Variants in PAPPA2 observed in about 807,000 individuals in gnomAD.
PAPPA2 encodes pappalysin-2.
In PAPPA2, 86 loss-of-function variants were observed where a neutral mutation model predicts 176.4. That is an observed-to-expected ratio of 0.49 (90% CI 0.41 to 0.58). The LOEUF (loss-of-function observed/expected upper bound fraction) is 0.58, where lower values mean the gene tolerates loss of function less well. Ranked by LOEUF, PAPPA2 falls within the 20% of genes least tolerant of loss-of-function variation. The probability of loss-of-function intolerance (pLI) is 0.00; values close to 1 mark genes in which losing one functional copy is unlikely to be tolerated. For synonymous variants in PAPPA2, 809 were observed against 852.2 expected (o/e 0.95, Z 0.88); for missense variants, 2,073 against 2,256.9 (o/e 0.92, Z 1.65).
At chr1:176,715,288 T>C (rs1661318331) in intron 12 of PAPPA2, among the ~76,000 whole-genome samples, 1 of 152,184 alleles carries the variant, frequency 6.6e-6, no homozygotes, top group Non-Finnish European at 1.5e-5. Flanking sequence ...GGATTCCACT[T>C]GTGTTCGAAA....
chr1:176,600,484 G>A (rs1368825410), intron 3 of PAPPA2, among the ~76,000 whole-genome samples: 3 of 151,602 alleles, frequency 2.0e-5, no homozygotes, highest in Non-Finnish European at 4.4e-5. Flanking sequence ...AGACCATCCT[G>A]GCTAACACGG....
At chr1:176,675,145 C>T (rs1359721338) in intron 4 of PAPPA2, among the ~76,000 whole-genome samples, 1 of 151,998 alleles carries the variant, frequency 6.6e-6, no homozygotes, top group Non-Finnish European at 1.5e-5. Context: ...CCTCCTGAAA[C>T]ACTCTTAATC....
rs1053735488 is a variant in PAPPA2 at position 176,845,043 on chromosome 1, G to A, written c.*2589G>A. The A allele has an allele frequency of 1.3e-5, 2 of 152,196 alleles. No individual in the cohort carries two copies. Among genetic ancestry groups the A allele is most frequent in the African/African-American group, 4.8e-5 (2 of 41,452 alleles). The allele number at this position is 152,196 out of a possible 1,614,324, so 9.4% of individuals were successfully genotyped here. ...TATTCAGAGACAGCAGGTTCTTCCAGTCTTTGTTCCTGGGACCTGATGTTT... is the reference window on the plus strand; with the variant it reads ...TATTCAGAGACAGCAGGTTCTTCCAATCTTTGTTCCTGGGACCTGATGTTT... On this transcript the variant is annotated 3_prime_UTR_variant, in exon 23 of 23. Coordinates refer to ENST00000367662, the MANE Select transcript of PAPPA2 (RefSeq NM_020318.3).
rs554356678 is a variant in PAPPA2 at position 176,650,349 on chromosome 1, G to A, written c.1992-20621G>A. ...TTGTTTCTTTGTTCAGCCACTGTATGTCTTTTTTTTTTCCATTTTCAGTCA... is the reference window on the plus strand; with the variant it reads ...TTGTTTCTTTGTTCAGCCACTGTATATCTTTTTTTTTTCCATTTTCAGTCA... On this transcript the variant is annotated intron_variant, in intron 3 of 22. Transcript: ENST00000367662. Among the ~76,000 whole-genome samples the A allele has an allele frequency of 2.0e-3, 294 of 149,256 alleles. 1 individual carries two copies. The highest frequency in any genetic ancestry group is 0.014 in the Middle Eastern group (4 of 288).
At chr1:176,602,648 TA>T (rs1428147525) in intron 3 of PAPPA2, among the ~76,000 whole-genome samples, 1 of 151,466 alleles carries the variant, frequency 6.6e-6, no homozygotes, top group Non-Finnish European at 1.5e-5. Context: ...GCAGGGAAAA[TA>T]AGCGTAAGGG....
At chr1:176,597,881 G>A (rs1437711198) in intron 3 of PAPPA2, among the ~76,000 whole-genome samples, 1 of 152,114 alleles carries the variant, frequency 6.6e-6, no homozygotes, top group Admixed American at 6.5e-5. Flanking sequence ...AAGGTATCCA[G>A]GTATTATTCT....
chr1:176,720,258 A>G (rs1044057344), intron 12 of PAPPA2, among the ~76,000 whole-genome samples: 2 of 152,184 alleles, frequency 1.3e-5, no homozygotes, highest in African/African-American at 4.8e-5. Flanking sequence ...TTGCTTTACC[A>G]TAACCTTATT....
At chr1:176,618,727 G>A (rs1015486573) in intron 3 of PAPPA2, among the ~76,000 whole-genome samples, 9 of 152,142 alleles carry the variant, frequency 5.9e-5, no homozygotes, top group African/African-American at 2.2e-4. Context: ...TTCTCTCTTC[G>A]AGTTTAGTAT....
At chr1:176,638,868 C>T (rs1260215762) in intron 3 of PAPPA2, among the ~76,000 whole-genome samples, 1 of 151,412 alleles carries the variant, frequency 6.6e-6, no homozygotes, top group African/African-American at 2.4e-5. Context: ...TCTGGAACAT[C>T]CAATCTCTCT....
chr1:176,807,522 G>T (rs545810734), intron 21 of PAPPA2, among the ~76,000 whole-genome samples: 1 of 146,710 alleles, frequency 6.8e-6, no homozygotes, highest in African/African-American at 2.5e-5. Context: ...TTGAGAAAGA[G>T]CCTCACTCTG....
At position 176,791,683 on chromosome 1, in the gene PAPPA2, A is replaced by G. The variant is rs540639355; in HGVS notation, c.5020+201A>G. On this transcript the variant is annotated intron_variant, in intron 19 of 22. Coordinates refer to ENST00000367662, the MANE Select transcript of PAPPA2 (RefSeq NM_020318.3). ...ATTCTCCTGCCTCAGCCTCCCAAGTAGCTGGGACTACATATGCCTGCCACC... is the reference window on the plus strand; with the variant it reads ...ATTCTCCTGCCTCAGCCTCCCAAGTGGCTGGGACTACATATGCCTGCCACC... 5.9e-5 allele frequency among the ~76,000 whole-genome samples: 9 copies of G among 152,214 alleles called. No individual in the cohort carries two copies. The South Asian group carries it at 8.3e-4, about 14-fold the overall frequency.
At chr1:176,721,022 A>G (rs953052816) in intron 12 of PAPPA2, among the ~76,000 whole-genome samples, 2 of 152,334 alleles carry the variant, frequency 1.3e-5, no homozygotes, top group African/African-American at 4.8e-5. Flanking sequence ...GCACTCATCC[A>G]CACTGAGGGT....
chr1:176,473,048 A>T (rs946231757), intron 1 of PAPPA2, among the ~76,000 whole-genome samples: 11 of 152,198 alleles, frequency 7.2e-5, no homozygotes, highest in African/African-American at 2.4e-4. Flanking sequence ...CCCAAAGTCC[A>T]TAGTTTATAT....
At chr1:176,768,770 A>G (rs1359353863) in intron 15 of PAPPA2, among the ~76,000 whole-genome samples, 11 of 152,260 alleles carry the variant, frequency 7.2e-5, no homozygotes. Context: ...GCCCTACTGA[A>G]ATGACAGGCA....
At chr1:176,702,866 G>A in intron 9 of PAPPA2, 131 bp downstream of exon 9, 2 of 1,220,048 alleles carry the variant, frequency 1.6e-6, no homozygotes, top group Non-Finnish European at 2.2e-6. Context: ...GACTTGTTTT[G>A]GAAATGTAGG....
intron 3 of PAPPA2, among the ~76,000 whole-genome samples, chr1:176,637,391 A>C (rs965583785): frequency 3.3e-5 from 5 of 152,170 alleles, no homozygotes; most frequent in Admixed American, 3.3e-4. Flanking sequence ...TAACCTGGAT[A>C]TAAACAGATG....
chr1:176,478,434 TG>T (rs891804773), intron 1 of PAPPA2, among the ~76,000 whole-genome samples: 20 of 152,380 alleles, frequency 1.3e-4, no homozygotes, highest in African/African-American at 4.6e-4. Flanking sequence ...TTGTTTCAGT[TG>T]CCTCATCAGT....
At chr1:176,758,086 T>C (rs1249000754) in intron 14 of PAPPA2, among the ~76,000 whole-genome samples, 1 of 152,224 alleles carries the variant, frequency 6.6e-6, no homozygotes, top group Non-Finnish European at 1.5e-5. Context: ...AATGGAAGGA[T>C]AAGTCAGTTT....
At chr1:176,634,689 A>T (rs1656559318) in intron 3 of PAPPA2, among the ~76,000 whole-genome samples, 1 of 151,862 alleles carries the variant, frequency 6.6e-6, no homozygotes, top group South Asian at 2.1e-4. Flanking sequence ...GCTATTGAGT[A>T]CATAGATGAA....
Sources: allele counts gnomAD v4.1 joint callset (sites outside exome capture counted in the v4.1 genomes callset), GRCh38; gene constraint gnomAD v4.1.1; transcripts MANE v1.5; gene names NCBI Gene and HGNC (gene_info 2026-07-23, HGNC 2026-07-21).